Variants in XKR9 observed in about 807,000 individuals in gnomAD.
The protein encoded by XKR9 is XK related 9.
In XKR9, 32 loss-of-function variants were observed where a neutral mutation model predicts 32.0. The ratio of observed to expected loss-of-function variants is 1.00; its 90% CI spans 0.76 to 1.34. The LOEUF is 1.34. Among genes scored for constraint, XKR9 ranks in the 40% most tolerant of loss-of-function variants. The probability of loss-of-function intolerance (pLI) is 0.00; values close to 1 mark genes in which losing one functional copy is unlikely to be tolerated. For missense variants in XKR9, 546 were observed against 429.7 expected (o/e 1.27, Z -2.39); for synonymous variants, 168 against 143.4 (o/e 1.17, Z -1.22).
At chr8:71,045,615 A>G in the XKR9 span, among the ~76,000 whole-genome samples, 1 of 152,214 alleles carries the variant, frequency 6.6e-6, no homozygotes, top group African/African-American at 2.4e-5. Flanking sequence ...GCCTTTGCAC[A>G]CAACTTAGCA....
chr8:70,973,420 T>G, the XKR9 span, among the ~76,000 whole-genome samples: 1 of 152,158 alleles, frequency 6.6e-6, no homozygotes, highest in Non-Finnish European at 1.5e-5. Context: ...AGCTTTTTGT[T>G]TCATTTATCT....
At chr8:71,057,511 A>G in the XKR9 span, among the ~76,000 whole-genome samples, 1 of 152,198 alleles carries the variant, frequency 6.6e-6, no homozygotes, top group African/African-American at 2.4e-5. Flanking sequence ...TTTTTTCAGG[A>G]AAAGAATGCT....
the XKR9 span, among the ~76,000 whole-genome samples, chr8:70,919,604 C>T: frequency 2.0e-5 from 3 of 152,298 alleles, no homozygotes; most frequent in East Asian, 5.8e-4. Flanking sequence ...TCCTCCTCAT[C>T]TTTCCCTTCA....
the XKR9 span, among the ~76,000 whole-genome samples, chr8:70,954,063 G>T: frequency 6.6e-6 from 1 of 152,084 alleles, no homozygotes; most frequent in African/African-American, 2.4e-5. Flanking sequence ...ACTAAGTGAG[G>T]TAATCACTTC....
At chr8:70,828,216 C>T in the XKR9 span, among the ~76,000 whole-genome samples, 3 of 151,990 alleles carry the variant, frequency 2.0e-5, no homozygotes, top group Admixed American at 2.0e-4. Flanking sequence ...GGGTTTCAAA[C>T]AGCACATTGT....
At chr8:71,001,120 A>G in the XKR9 span, among the ~76,000 whole-genome samples, 5 of 152,354 alleles carry the variant, frequency 3.3e-5, no homozygotes, top group African/African-American at 1.2e-4. Flanking sequence ...ATCAAGCACA[A>G]CCATAAAGAA....
chr8:70,888,203 G>A, the XKR9 span, among the ~76,000 whole-genome samples: 1 of 151,822 alleles, frequency 6.6e-6, no homozygotes, highest in African/African-American at 2.4e-5. Context: ...TAGTGATGTT[G>A]AGCATTTTTT....
the XKR9 span, among the ~76,000 whole-genome samples, chr8:70,944,824 C>T: frequency 6.6e-6 from 1 of 152,320 alleles, no homozygotes; most frequent in East Asian, 1.9e-4. Context: ...CAAGCATATA[C>T]ACAAAAATCA....
At chr8:70,697,611 T>A (rs377351149) in intron 3 of XKR9, among the ~76,000 whole-genome samples, 2 of 148,712 alleles carry the variant, frequency 1.3e-5, no homozygotes, top group Admixed American at 6.7e-5. Context: ...GATTTTTGCA[T>A]CAATGTTCAT....
chr8:70,960,193 C>T, the XKR9 span, among the ~76,000 whole-genome samples: 2 of 151,786 alleles, frequency 1.3e-5, no homozygotes, highest in East Asian at 3.9e-4. Context: ...TGCAGTGAGC[C>T]GAGATCACGC....
At chr8:70,890,656 C>A in the XKR9 span, among the ~76,000 whole-genome samples, 2 of 152,018 alleles carry the variant, frequency 1.3e-5, no homozygotes, top group Non-Finnish European at 2.9e-5. Context: ...ATAAATTCCA[C>A]TTGATCATGA....
chr8:70,803,618 C>CT, the XKR9 span, among the ~76,000 whole-genome samples: 4 of 152,050 alleles, frequency 2.6e-5, no homozygotes, highest in East Asian at 7.7e-4. Flanking sequence ...TTGCTTTTAT[C>CT]TTTTTTGATT....
At chr8:70,835,001 A>C in the XKR9 span, among the ~76,000 whole-genome samples, 1 of 152,290 alleles carries the variant, frequency 6.6e-6, no homozygotes, top group African/African-American at 2.4e-5. Flanking sequence ...AAGACAAATC[A>C]TGCTAGTACT....
At position 70,735,513 on chromosome 8, in the gene XKR9, G is replaced by T. The variant is rs1034697236; in HGVS notation, c.*1089G>T. 11 of 151,024 alleles carry T rather than the reference G, an allele frequency of 7.3e-5. No homozygotes were observed. Among genetic ancestry groups the T allele is most frequent in the Non-Finnish European group, 1.5e-4 (10 of 67,774 alleles). The allele number at this position is 151,024 out of a possible 1,614,324, so 9.4% of individuals were successfully genotyped here. Reference sequence around the variant, plus strand: ...GGTTTAGGGTACATGTGCACAATGTGCAGGTTAGTTACATATGTATACATG... The same window carrying T: ...GGTTTAGGGTACATGTGCACAATGTTCAGGTTAGTTACATATGTATACATG... On this transcript the variant is annotated 3_prime_UTR_variant, in exon 5 of 5. Transcript: ENST00000408926.
intron 3 of XKR9, among the ~76,000 whole-genome samples, chr8:70,684,428 T>C (rs1396829848): frequency 2.0e-5 from 3 of 152,158 alleles, no homozygotes; most frequent in Non-Finnish European, 4.4e-5. Context: ...ATCATTGCTA[T>C]CATTCATTTC....
the XKR9 span, among the ~76,000 whole-genome samples, chr8:71,041,217 C>T: frequency 1.3e-5 from 2 of 151,980 alleles, no homozygotes; most frequent in Non-Finnish European, 2.9e-5. Flanking sequence ...AAAGAAAGAC[C>T]GAGTTCCTGA....
At chr8:70,745,913 C>T (rs900924427) in intron 2 of XKR9, among the ~76,000 whole-genome samples, 4 of 152,160 alleles carry the variant, frequency 2.6e-5, no homozygotes, top group Admixed American at 2.0e-4. Flanking sequence ...GCTGATGCCC[C>T]ACTTAATGAT....
the XKR9 span, among the ~76,000 whole-genome samples, chr8:70,926,443 CT>C: frequency 6.6e-6 from 1 of 152,196 alleles, no homozygotes. Flanking sequence ...CATTGAAAAA[CT>C]TTTTCTCTTT....
the XKR9 span, among the ~76,000 whole-genome samples, chr8:70,796,770 G>A: frequency 6.6e-6 from 1 of 152,160 alleles, no homozygotes. Flanking sequence ...AGAGACACAG[G>A]ACATACTGCT....
Sources: allele counts gnomAD v4.1 joint callset (sites outside exome capture counted in the v4.1 genomes callset), GRCh38; gene constraint gnomAD v4.1.1; transcripts MANE v1.5; gene names NCBI Gene and HGNC (gene_info 2026-07-23, HGNC 2026-07-21).